The following PCDHA3 variants were observed in gnomAD, a reference collection of about 807,000 sequenced individuals.
PCDHA3 encodes protocadherin alpha-3.
Under a neutral mutation model 62.2 loss-of-function variants are expected in PCDHA3, and 41 were observed. That is an observed-to-expected ratio of 0.66 (90% CI 0.51 to 0.86). The LOEUF is 0.86. Ranked by LOEUF, PCDHA3 falls within the 40% of genes least tolerant of loss-of-function variation. PCDHA3 has a pLI of 0.00. For missense variants in PCDHA3, 1,304 were observed against 1,241.2 expected, an observed-to-expected ratio of 1.05 and a Z score of -0.76; for synonymous variants, 640 against 555.4, an observed-to-expected ratio of 1.15 and a Z score of -2.14.
rs1554164701 is a variant in PCDHA3 at position 140,870,777 on chromosome 5, C to T, written c.2394+67186C>T. The T allele has an allele frequency of 3.1e-6, 5 of 1,613,610 alleles. No individual in the cohort carries two copies. In the African/African-American group the frequency reaches 4.0e-5, roughly 13 times the overall value. On this transcript the variant is annotated intron_variant, in intron 1 of 3. Coordinates refer to ENST00000522353, the MANE Select transcript of PCDHA3 (RefSeq NM_018906.3). Reference sequence around the variant, plus strand: ...TGCAGGTGTTCGTGCTGGACGAGAACGACAACGCGCCGGCACTGCTGGCGA... The same window carrying T: ...TGCAGGTGTTCGTGCTGGACGAGAATGACAACGCGCCGGCACTGCTGGCGA...
chr5:140,966,532 G>A (rs1418404048), intron 1 of PCDHA3: 7 of 447,876 alleles, frequency 1.6e-5, no homozygotes, highest in East Asian at 3.5e-5. Flanking sequence ...GAGCCGGGTT[G>A]AGCGACTCGG....
At chr5:140,864,478 G>A (rs377075793) in intron 1 of PCDHA3, 3 of 152,180 alleles carry the variant, frequency 2.0e-5, no homozygotes, top group Admixed American at 6.5e-5. Context: ...GATGTTGATT[G>A]CAGTGGGTGG....
intron 1 of PCDHA3, chr5:140,929,247 T>G (rs2085977234): frequency 1.9e-6 from 3 of 1,613,780 alleles, no homozygotes. Flanking sequence ...ATCTTGCCAC[T>G]GGGGTAGGAC....
chr5:140,822,395 A>G (rs2150116000), intron 1 of PCDHA3: 1 of 1,614,144 alleles, frequency 6.2e-7, no homozygotes, highest in South Asian at 1.1e-5. Flanking sequence ...ACACAAGAAC[A>G]CCGTTTATTA....
intron 1 of PCDHA3, among the ~76,000 whole-genome samples, chr5:140,940,219 T>C (rs1554213221): frequency 6.6e-6 from 1 of 152,180 alleles, no homozygotes; most frequent in Non-Finnish European, 1.5e-5. Context: ...TTGGCATTTA[T>C]TTCATTTTGG....
At chr5:140,923,142 T>TA (rs1262526439) in intron 1 of PCDHA3, among the ~76,000 whole-genome samples, 1 of 152,006 alleles carries the variant, frequency 6.6e-6, no homozygotes, top group African/African-American at 2.4e-5. Context: ...AGGTGGAATA[T>TA]AAAAAAAATT....
At chr5:140,968,317 A>T (rs144335538) in intron 1 of PCDHA3, 17,308 of 1,614,002 alleles carry the variant, frequency 0.011, 130 homozygotes, top group Non-Finnish European at 0.013. Flanking sequence ...AAGGGCTGCC[A>T]GTCACCTCCT....
At chr5:140,974,151 G>A (rs2096617637) in intron 1 of PCDHA3, among the ~76,000 whole-genome samples, 1 of 152,118 alleles carries the variant, frequency 6.6e-6, no homozygotes, top group Non-Finnish European at 1.5e-5. Context: ...ACTATACAAG[G>A]GTTTTTCTTT....
At chr5:140,902,953 C>T (rs549407032) in intron 1 of PCDHA3, among the ~76,000 whole-genome samples, 24 of 152,278 alleles carry the variant, frequency 1.6e-4, no homozygotes, top group East Asian at 1.3e-3. Flanking sequence ...TCTTTATCCA[C>T]TTGTTGGCTG....
At chr5:140,941,743 C>G (rs2093156279) in intron 1 of PCDHA3, among the ~76,000 whole-genome samples, 1 of 152,172 alleles carries the variant, frequency 6.6e-6, no homozygotes, top group Admixed American at 6.5e-5. Context: ...ATTATCTTAT[C>G]AGATTTTCAG....
At chr5:140,868,911 G>T in intron 1 of PCDHA3, 1 of 892,226 alleles carries the variant, frequency 1.1e-6, no homozygotes. Flanking sequence ...CTCTTTACTT[G>T]GTGGAAAGTT....
chr5:140,902,211 T>C (rs1256912603), intron 1 of PCDHA3, among the ~76,000 whole-genome samples: 4 of 150,332 alleles, frequency 2.7e-5, no homozygotes, highest in African/African-American at 9.8e-5. Context: ...TTCTTTTTTT[T>C]TTTTTTTTTT....
At chr5:140,989,851 G>C (rs1247481417) in intron 3 of PCDHA3, among the ~76,000 whole-genome samples, 1 of 152,106 alleles carries the variant, frequency 6.6e-6, no homozygotes, top group Non-Finnish European at 1.5e-5. Context: ...TGTGTGGACT[G>C]GAGAGGAATC....
chr5:140,952,471 A>AAAGT (rs1205705150), intron 1 of PCDHA3, among the ~76,000 whole-genome samples: 2 of 152,204 alleles, frequency 1.3e-5, no homozygotes, highest in Non-Finnish European at 2.9e-5. Context: ...AAGCATAAGG[A>AAAGT]AAGTGACATT....
intron 1 of PCDHA3, among the ~76,000 whole-genome samples, chr5:140,934,682 A>G (rs2089985981): frequency 6.6e-6 from 1 of 152,156 alleles, no homozygotes; most frequent in Non-Finnish European, 1.5e-5. Flanking sequence ...AGTATTCAAA[A>G]CAATGAATTG....
At chr5:140,963,346 A>G (rs2095758163) in intron 1 of PCDHA3, among the ~76,000 whole-genome samples, 1 of 152,236 alleles carries the variant, frequency 6.6e-6, no homozygotes, top group Non-Finnish European at 1.5e-5. Flanking sequence ...TTGTAAATTT[A>G]GTTCTTTTCA....
At chr5:140,850,361 C>T in intron 1 of PCDHA3, 1 of 1,597,860 alleles carries the variant, frequency 6.3e-7, no homozygotes, top group Non-Finnish European at 8.6e-7. Flanking sequence ...GCATCCCGTT[C>T]CGCGTGGGGC....
intron 1 of PCDHA3, chr5:140,875,402 C>A: frequency 6.7e-7 from 1 of 1,488,874 alleles, no homozygotes; most frequent in Admixed American, 2.6e-5. Flanking sequence ...AGGGTGACTG[C>A]TCATAAAATA....
intron 1 of PCDHA3, chr5:140,852,664 G>A (rs1307508258): frequency 4.1e-6 from 4 of 964,750 alleles, no homozygotes; most frequent in African/African-American, 1.8e-5. Flanking sequence ...CTGTCTATCA[G>A]CACAACTCAC....
Sources: allele counts gnomAD v4.1 joint callset (sites outside exome capture counted in the v4.1 genomes callset), GRCh38; gene constraint gnomAD v4.1.1; transcripts MANE v1.5; gene names NCBI Gene and HGNC (gene_info 2026-07-23, HGNC 2026-07-21).